FOXK1: variants seen among roughly 807,000 people sequenced by gnomAD.
FOXK1 encodes forkhead box protein K1.
Under a neutral mutation model 51.9 loss-of-function variants are expected in FOXK1, and 19 were observed. The ratio of observed to expected loss-of-function variants is 0.37; its 90% CI spans 0.26 to 0.54. FOXK1 has a LOEUF of 0.54. FOXK1 is among the 20% of genes least tolerant of loss of function. The pLI, the probability that FOXK1 is intolerant of heterozygous loss-of-function variation, is 0.87. For missense variants in FOXK1, 870 were observed against 1,032.7 expected, an observed-to-expected ratio of 0.84 and a Z score of 2.16; for synonymous variants, 537 against 482.6, an observed-to-expected ratio of 1.11 and a Z score of -1.48.
chr7:4,693,979 C>G (rs1779923023), intron 1 of FOXK1, among the ~76,000 whole-genome samples: 1 of 152,108 alleles, frequency 6.6e-6, no homozygotes, highest in South Asian at 2.1e-4. Flanking sequence ...TTCCTGGGCT[C>G]AAACGATCCT....
chr7:4,738,655 A>C (rs1780589869), intron 1 of FOXK1, among the ~76,000 whole-genome samples: 1 of 152,126 alleles, frequency 6.6e-6, no homozygotes, highest in African/African-American at 2.4e-5. Flanking sequence ...TTATCCCCCA[A>C]GATTCACTCG....
At position 4,683,070 on chromosome 7, in the gene FOXK1, C is replaced by T. The variant is rs541531023; in HGVS notation, c.560+202C>T. 5.3e-5 allele frequency among the ~76,000 whole-genome samples: 8 copies of T among 149,886 alleles called. 1 individual carries two copies. The highest frequency in any genetic ancestry group is 2.0e-4 in the African/African-American group (8 of 40,672). ...CCTGGCTCCCTAGGATCACCCCGAC[C>T]CCGATCCTGGAGGCTCCAGCCTGAG... On this transcript the variant is annotated intron_variant, in intron 1 of 8. Coordinates refer to ENST00000328914, the MANE Select transcript of FOXK1 (RefSeq NM_001037165.2). The surrounding 1 kb of genome is among the most constrained non-coding windows in gnomAD (Gnocchi z 4.5).
rs552261907 is a variant in FOXK1 at position 4,694,373 on chromosome 7, T to G, written c.560+11505T>G. On this transcript the variant is annotated intron_variant, in intron 1 of 8. Transcript: ENST00000328914. The stretch of plus-strand genomic sequence containing the variant: ...TCCCTCCCCAGTCTGATAGGAACTC[T>G]TGGAGGAAATTTCTCTCTCTTTCCC... Among the ~76,000 whole-genome samples, 4 of 152,276 alleles carry G rather than the reference T, an allele frequency of 2.6e-5. No homozygotes were observed. The South Asian group carries it at 6.2e-4, about 24-fold the overall frequency.
chr7:4,762,210 G>A lies in FOXK1; in HGVS notation c.1948G>A (p.Ala650Thr). 1.3e-6 allele frequency: 2 copies of A among 1,554,652 alleles called. No homozygotes were observed. The highest frequency in any genetic ancestry group is 1.2e-5 in the South Asian group (1 of 84,192). The change falls in exon 9 of 9, where the codon GCG (alanine) becomes ACG (threonine). Residue 650 changes from alanine to threonine, a missense_variant. Physicochemically the swap from Ala to Thr is moderately conservative, Grantham distance 58. Coordinates refer to ENST00000328914, the MANE Select transcript of FOXK1 (RefSeq NM_001037165.2). The surrounding 1 kb of genome is among the most constrained non-coding windows in gnomAD (Gnocchi z 5.7). ...CCTCACCAGCCCTTTGCAGCTCCTT[G>A]CGACCCAAGCGAGTTCATCCGCGCC... is the stretch of plus-strand genomic sequence containing the variant. ...YALTSPLQLL[A>T]TQASSSAPVV...
intron 1 of FOXK1, among the ~76,000 whole-genome samples, chr7:4,700,581 C>G (rs576979542): frequency 6.6e-6 from 1 of 151,944 alleles, no homozygotes; most frequent in Non-Finnish European, 1.5e-5. Flanking sequence ...TTTGGGAGGC[C>G]GAGGTGGGAG....
chr7:4,742,448 ACT>A (rs1366272945), intron 2 of FOXK1, among the ~76,000 whole-genome samples: 6 of 151,950 alleles, frequency 3.9e-5, no homozygotes, highest in Admixed American at 1.3e-4. Context: ...ACAGCGTCTC[ACT>A]CTGTCGTCCA....
chr7:4,714,729 C>G (rs764625818), intron 1 of FOXK1, among the ~76,000 whole-genome samples: 1 of 152,166 alleles, frequency 6.6e-6, no homozygotes, highest in Non-Finnish European at 1.5e-5. Context: ...TCCCGCGGTT[C>G]AAAACTCAAA....
Position 4,730,580 on chromosome 7 carries a change from C to T in FOXK1, c.561-10258C>T, listed in dbSNP as rs763383949. 6.6e-6 allele frequency among the ~76,000 whole-genome samples: 1 copy of T among 152,150 alleles called. No individual in the cohort carries two copies. The highest frequency in any genetic ancestry group is 1.5e-5 in the Non-Finnish European group (1 of 68,020). ...GACCTTGCCGACCCAGCCCCCGCCC[C>T]GCCTTCAAGTTTGTGCCTTATTTTC... On this transcript the variant is annotated intron_variant, in intron 1 of 8. Coordinates refer to ENST00000328914, the MANE Select transcript of FOXK1 (RefSeq NM_001037165.2). This position sits in a 1 kb window ranked among gnomAD's most constrained non-coding sequence, Gnocchi z 4.7.
At chr7:4,744,959 C>A (rs1311363452) in intron 2 of FOXK1, among the ~76,000 whole-genome samples, 2 of 152,230 alleles carry the variant, frequency 1.3e-5, no homozygotes, top group East Asian at 3.8e-4. Flanking sequence ...CCCTGGAATT[C>A]AATTGAGTGT....
chr7:4,682,576 C>A lies in FOXK1; in HGVS notation c.268C>A (p.Leu90Met). The change falls in exon 1 of 9, where the codon CTG (leucine) becomes ATG (methionine). Residue 90 changes from leucine (L) to methionine (M), a missense_variant. Transcript: ENST00000328914. This position sits in a 1 kb window ranked among gnomAD's most constrained non-coding sequence, Gnocchi z 7.6. ...DSAVAGAAPA[L>M]VAAAAASVRQ... ...CGCGGTCGCGGGCGCGGCGCCGGCCCTGGTGGCCGCGGCGGCCGCCTCGGT... is the reference window on the plus strand; with the variant it reads ...CGCGGTCGCGGGCGCGGCGCCGGCCATGGTGGCCGCGGCGGCCGCCTCGGT... 3.4e-5 allele frequency: 42 copies of A among 1,232,176 alleles called. No individual in the cohort carries two copies. The highest frequency in any genetic ancestry group is 4.2e-5 in the Non-Finnish European group (42 of 988,950). 76.3% of individuals were successfully genotyped at this position (1,232,176 alleles called of 1,614,324 possible). A position where few individuals can be genotyped will look rare whatever the true frequency, so the allele number is the denominator to read the frequency against.
At chr7:4,757,929 A>G (rs1437135382) in intron 5 of FOXK1, 1 of 152,148 alleles carries the variant, frequency 6.6e-6, no homozygotes, top group Non-Finnish European at 1.5e-5. Context: ...TTTTGAGAGA[A>G]TATCTCAGGA....
intron 1 of FOXK1, among the ~76,000 whole-genome samples, chr7:4,720,943 G>A (rs184837472): frequency 7.2e-5 from 11 of 151,780 alleles, no homozygotes; most frequent in Admixed American, 2.6e-4. Flanking sequence ...CTCAACACAC[G>A]TGTTAGTCAG....
chr7:4,727,898 G>A (rs529496378), intron 1 of FOXK1, among the ~76,000 whole-genome samples: 1 of 152,326 alleles, frequency 6.6e-6, no homozygotes, highest in African/African-American at 2.4e-5. Context: ...TTGGACACCC[G>A]TCCTTCGGGA....
chr7:4,699,431 C>T (rs944213867), intron 1 of FOXK1, among the ~76,000 whole-genome samples: 27 of 151,218 alleles, frequency 1.8e-4, no homozygotes, highest in African/African-American at 4.6e-4. Context: ...TGCAGTGACA[C>T]GATCTCGGCT....
rs193160480 is a variant in FOXK1 at position 4,707,832 on chromosome 7, C to T, written c.560+24964C>T. Among the ~76,000 whole-genome samples the T allele has an allele frequency of 2.3e-4, 35 of 152,102 alleles. No individual in the cohort carries two copies. The East Asian group carries it at 4.5e-3, about 19-fold the overall frequency. On this transcript the variant is annotated intron_variant, in intron 1 of 8. Coordinates refer to ENST00000328914, the MANE Select transcript of FOXK1 (RefSeq NM_001037165.2). The surrounding 1 kb of genome is among the most constrained non-coding windows in gnomAD (Gnocchi z 4.1). Reference sequence around the variant, plus strand: ...CCCAAGTAGCTGGGATGATAGGGCCCGCCACCGTGTCCGGCTAATTTTTGT... The same window carrying T: ...CCCAAGTAGCTGGGATGATAGGGCCTGCCACCGTGTCCGGCTAATTTTTGT...
chr7:4,685,737 G>A (rs759169204), intron 1 of FOXK1, among the ~76,000 whole-genome samples: 17 of 151,882 alleles, frequency 1.1e-4, no homozygotes, highest in Non-Finnish European at 2.2e-4. Flanking sequence ...GAGTTCAGGA[G>A]TTCAAGACCA....
rs564689177 is a variant in FOXK1, at chr7:4,763,306, G to T, written c.*842G>T. ...CCTGGATCCGCCGGCCGCAGACATC[G>T]CGCTGCTGGGGACGATTGGGGCCGC... On this transcript the variant is annotated 3_prime_UTR_variant, in exon 9 of 9. Coordinates refer to ENST00000328914, the MANE Select transcript of FOXK1 (RefSeq NM_001037165.2). 8 of 152,362 alleles carry T rather than the reference G, an allele frequency of 5.3e-5. No individual in the cohort carries two copies. The highest frequency in any genetic ancestry group is 1.9e-4 in the African/African-American group (8 of 41,584). The allele number at this position is 152,362 out of a possible 1,614,324, so 9.4% of individuals were successfully genotyped here. A position where few individuals can be genotyped will look rare whatever the true frequency, so the allele number is the denominator to read the frequency against.
rs114731678 is a variant in FOXK1, at chr7:4,758,721, T to G, written c.1245-330T>G. ...GCCCACCAAACAGAAGCTTATGTTT[T>G]TGGCACAGAAGGCCTGGGCCATTTT... On this transcript the variant is annotated intron_variant, in intron 5 of 8. Transcript: ENST00000328914. The surrounding 1 kb of genome is among the most constrained non-coding windows in gnomAD (Gnocchi z 4.4). The G allele has an allele frequency of 6.7e-3, 2,076 of 307,866 alleles. 37 individuals are homozygous for G. Among genetic ancestry groups the G allele is most frequent in the African/African-American group, 0.042 (1,922 of 45,900 alleles). 19.1% of individuals were successfully genotyped at this position (307,866 alleles called of 1,614,324 possible).
At position 4,723,129 on chromosome 7, in the gene FOXK1, G is replaced by A. The variant is rs775974083; in HGVS notation, c.561-17709G>A. Among the ~76,000 whole-genome samples, 1 of 151,788 alleles carries A rather than the reference G, an allele frequency of 6.6e-6. No individual in the cohort carries two copies. The highest frequency in any genetic ancestry group is 1.5e-5 in the Non-Finnish European group (1 of 67,998). ...ACGGCACCGTGCTCACTCCAACGCCGTGGCTGTGAGCGGAGCCAGCTTCAA... is the reference window on the plus strand; with the variant it reads ...ACGGCACCGTGCTCACTCCAACGCCATGGCTGTGAGCGGAGCCAGCTTCAA... On this transcript the variant is annotated intron_variant, in intron 1 of 8. Transcript: ENST00000328914. This position sits in a 1 kb window ranked among gnomAD's most constrained non-coding sequence, Gnocchi z 4.7.
Sources: gnomAD v4.1 joint callset for allele counts (sites outside exome capture counted in the v4.1 genomes callset) on GRCh38, gnomAD v4.1.1 for gene constraint, Gnocchi (gnomAD v3.1) non-coding constraint, MANE v1.5 for transcripts, NCBI Gene and HGNC (gene_info 2026-07-23, HGNC 2026-07-21) for gene names.